The following OR2G6 variants were observed in gnomAD, a reference collection of about 807,000 sequenced individuals.
OR2G6 encodes olfactory receptor 2G6.
For missense variants in OR2G6, 457 were observed against 391.3 expected (o/e 1.17, Z -1.42); for synonymous variants, 183 against 155.2 (o/e 1.18, Z -1.33).
rs559558846 is a variant in OR2G6 at position 248,522,936 on chromosome 1, G to C, written c.*339G>C. On this transcript the variant is annotated 3_prime_UTR_variant, in exon 2 of 2. Transcript: ENST00000641804. ...TTGTCCTTCATCCACCTGCCATCAA[G>C]GTTCATGTATCCATTATTTCCTTCT... is the stretch of plus-strand genomic sequence containing the variant. 4.4e-6 allele frequency: 1 copy of C among 228,392 alleles called. No homozygotes were observed. The highest frequency in any genetic ancestry group is 9.8e-5 in the East Asian group (1 of 10,250). The allele number at this position is 228,392 out of a possible 1,614,324, so 14.1% of individuals were successfully genotyped here. A position where few individuals can be genotyped will look rare whatever the true frequency, so the allele number is the denominator to read the frequency against.
chr1:248,519,349 G>A (rs1480761990), intron 1 of OR2G6, among the ~76,000 whole-genome samples: 1 of 145,238 alleles, frequency 6.9e-6, no homozygotes, highest in Non-Finnish European at 1.5e-5. Flanking sequence ...GATCCCATTT[G>A]TCAACTTTGG....
At chr1:248,520,555 T>C (rs775359206) in intron 1 of OR2G6, among the ~76,000 whole-genome samples, 2 of 152,180 alleles carry the variant, frequency 1.3e-5, no homozygotes, top group East Asian at 1.9e-4. Flanking sequence ...ATCACTTTGA[T>C]AGTAGCTTGT....
At position 248,527,272 on chromosome 1, in the gene OR2G6, G is replaced by C. The variant is rs1183673628; in HGVS notation, c.*4675G>C. ...GAATCCTTTCCCTATTTCTTGTTTT[G>C]TCAGGTTTGTCAAAGATCAGATAGT... On this transcript the variant is annotated 3_prime_UTR_variant, in exon 2 of 2. Transcript: ENST00000641804. 6.6e-6 allele frequency: 1 copy of C among 151,834 alleles called. No homozygotes were observed. The highest frequency in any genetic ancestry group is 1.5e-5 in the Non-Finnish European group (1 of 67,922). 9.4% of individuals were successfully genotyped at this position (151,834 alleles called of 1,614,324 possible). A position where few individuals can be genotyped will look rare whatever the true frequency, so the allele number is the denominator to read the frequency against.
In OR2G6 at chr1:248,522,551, G is replaced by A. The variant is rs754030303; in HGVS notation, c.905G>A (p.Arg302Lys). The change falls in exon 2 of 2, where the codon AGG (arginine) becomes AAG (lysine). Residue 302 changes from arginine to lysine, a missense_variant. By Grantham distance (26) the Arg-to-Lys change is conservative. Coordinates refer to ENST00000641804, the MANE Select transcript of OR2G6 (RefSeq NM_001013355.2). ...LRNKDVKGAL[R>K]TLILGSAAGQ... ...AACAAAGATGTGAAAGGGGCCTTGA[G>A]GACCCTGATACTGGGTAGTGCTGCT... 1.2e-6 allele frequency: 2 copies of A among 1,613,844 alleles called. No homozygotes were observed. Among genetic ancestry groups the A allele is most frequent in the East Asian group, 2.2e-5 (1 of 44,882 alleles).
chr1:248,520,113 T>G (rs1664251140), intron 1 of OR2G6, among the ~76,000 whole-genome samples: 1 of 152,236 alleles, frequency 6.6e-6, no homozygotes, highest in African/African-American at 2.4e-5. Context: ...GATGCATTCA[T>G]GTCCTTTGCA....
Position 248,522,418 on chromosome 1 carries a change from A to T in OR2G6, c.772A>T (p.Met258Leu), listed in dbSNP as rs9330305. The change falls in exon 2 of 2, where the codon ATG becomes TTG. Residue 258 changes from methionine (M) to leucine (L), a missense_variant. Physicochemically the swap from Met to Leu is conservative, Grantham distance 15. Transcript: ENST00000641804. ...VIIFYGTIIF[M>L]YLQPANRRSK... ...CATTTTCTATGGGACCATCATATTC[A>T]TGTACCTTCAACCGGCCAATAGGAG... The T allele has an allele frequency of 0.14, 219,147 of 1,613,816 alleles. 16,014 individuals are homozygous for T. Among genetic ancestry groups the T allele is most frequent in the African/African-American group, 0.27 (19,978 of 74,926 alleles).
rs753939015 is a variant in OR2G6 at position 248,521,802 on chromosome 1, C to T, written c.156C>T (p.Asp52=). The T allele has an allele frequency of 5.0e-6, 8 of 1,613,974 alleles. No individual in the cohort carries two copies. Among genetic ancestry groups the T allele is most frequent in the Non-Finnish European group, 6.8e-6 (8 of 1,179,856 alleles). The stretch of plus-strand genomic sequence containing the variant: ...CCCTCATACTAGTATGTTGTCTGGA[C>T]TCCAGACTCCACACTCCAATGTACT... The part of the protein sequence containing the change: ...NTALILVCCL[D]SRLHTPMYFF... The change falls in exon 2 of 2, where the codon GAC becomes GAT. Residue 52 remains aspartate, a synonymous_variant. Coordinates refer to ENST00000641804, the MANE Select transcript of OR2G6 (RefSeq NM_001013355.2).
rs772867986 is a variant in OR2G6 at position 248,522,332 on chromosome 1, A to AAT, written c.687_688dup (p.Ser230TyrfsTer52). 1 of 1,614,134 alleles carries AAT rather than the reference A, an allele frequency of 6.2e-7. No individual in the cohort carries two copies. Among genetic ancestry groups the AAT allele is most frequent in the Non-Finnish European group, 8.5e-7 (1 of 1,180,030 alleles). On this transcript the variant is annotated frameshift_variant, in exon 2 of 2. Transcript: ENST00000641804. LOFTEE classifies it low-confidence loss of function (END_TRUNC). ...ATCACTCAAGCTGTGTTAAGGATAAAATCAGCTGCGGGCCGCCAAAAGGCC... is the reference window on the plus strand; with the variant it reads ...ATCACTCAAGCTGTGTTAAGGATAAAATATCAGCTGCGGGCCGCCAAAAGGCC...
rs770979849 is a variant in OR2G6 at position 248,523,738 on chromosome 1, C to T, written c.*1141C>T. The T allele has an allele frequency of 4.6e-5, 7 of 152,130 alleles. No homozygotes were observed. In the East Asian group the frequency reaches 1.2e-3, roughly 25 times the overall value. The allele number at this position is 152,130 out of a possible 1,614,324, so 9.4% of individuals were successfully genotyped here. On this transcript the variant is annotated 3_prime_UTR_variant, in exon 2 of 2. Coordinates refer to ENST00000641804, the MANE Select transcript of OR2G6 (RefSeq NM_001013355.2). Reference sequence around the variant, plus strand: ...TCTTTCTTGCTTTCTTTTCCCAAAACGATTGAACTTCATCAATTCGTCAAC... The same window carrying T: ...TCTTTCTTGCTTTCTTTTCCCAAAATGATTGAACTTCATCAATTCGTCAAC...
rs2103061340 is a variant in OR2G6, at chr1:248,521,934, C to T, written c.288C>T (p.Gly96=). 6.2e-7 allele frequency: 1 copy of T among 1,614,166 alleles called. No homozygotes were observed. The highest frequency in any genetic ancestry group is 1.1e-5 in the South Asian group (1 of 91,078). ...NKKDKTMSYG[G]CVAQLYVAMG... ...AAGACAAAACCATGAGCTACGGTGG[C>T]TGTGTGGCCCAGCTCTATGTGGCCA... The change falls in exon 2 of 2, where the codon GGC becomes GGT. Residue 96 remains glycine, a synonymous_variant. Coordinates refer to ENST00000641804, the MANE Select transcript of OR2G6 (RefSeq NM_001013355.2).
rs768316696 is a variant in OR2G6 at position 248,520,873 on chromosome 1, A to AAT, written c.-36-726_-36-725dup. Among the ~76,000 whole-genome samples the AAT allele has an allele frequency of 2.5e-3, 328 of 133,364 alleles. 1 individual carries two copies. The highest frequency in any genetic ancestry group is 7.9e-3 in the East Asian group (40 of 5,056). 87.5% of individuals were successfully genotyped at this position (133,364 alleles called of 152,430 possible). On this transcript the variant is annotated intron_variant, in intron 1 of 1. Transcript: ENST00000641804. Reference sequence around the variant, plus strand: ...AAAAAAAAATATATATATATATAAAAATATATATATATACACACAAAAATT... The same window carrying AAT: ...AAAAAAAAATATATATATATATAAAAATATATATATATATACACACAAAAATT...
In OR2G6 at chr1:248,520,296, A is replaced by AG. The variant is rs145083869; in HGVS notation, c.-36-1312dup. On this transcript the variant is annotated intron_variant, in intron 1 of 1. Transcript: ENST00000641804. ...TTGGTGGGTTGGGGGGCTAGGAAGG[A>AG]GGGATAGCATTAGGAGAAATACCTA... Among the ~76,000 whole-genome samples, 261 of 152,222 alleles carry AG rather than the reference A, an allele frequency of 1.7e-3. 1 individual carries two copies. Among genetic ancestry groups the AG allele is most frequent in the African/African-American group, 6.0e-3 (249 of 41,534 alleles).
chr1:248,522,340 G>A lies in OR2G6; in HGVS notation c.694G>A (p.Ala232Thr). ...TQAVLRIKSA[A>T]GRQKAFGTCS... is the part of the protein sequence containing the mutation. ...AGCTGTGTTAAGGATAAAATCAGCTGCGGGCCGCCAAAAGGCCTTTGGGAC... is the reference window on the plus strand; with the variant it reads ...AGCTGTGTTAAGGATAAAATCAGCTACGGGCCGCCAAAAGGCCTTTGGGAC... The change falls in exon 2 of 2, where the codon GCG (alanine) becomes ACG (threonine). Residue 232 changes from alanine to threonine, a missense_variant. Coordinates refer to ENST00000641804, the MANE Select transcript of OR2G6 (RefSeq NM_001013355.2). The A allele has an allele frequency of 6.2e-7, 1 of 1,614,194 alleles. No individual in the cohort carries two copies.
chr1:248,520,967 G>A (rs867031168), intron 1 of OR2G6, among the ~76,000 whole-genome samples: 6 of 147,712 alleles, frequency 4.1e-5, no homozygotes, highest in African/African-American at 7.4e-5. Flanking sequence ...TTGCTTGAAC[G>A]TGGGAGGTGG....
chr1:248,521,327 C>T (rs937808749), intron 1 of OR2G6, among the ~76,000 whole-genome samples: 8 of 152,056 alleles, frequency 5.3e-5, no homozygotes, highest in Middle Eastern at 3.4e-3. Context: ...ATAAATATAT[C>T]GGTGTAAAAA....
rs1420965605 is a variant in OR2G6 at position 248,526,199 on chromosome 1, A to G, written c.*3602A>G. 6.6e-6 allele frequency: 1 copy of G among 152,164 alleles called. No individual in the cohort carries two copies. The highest frequency in any genetic ancestry group is 6.5e-5 in the Admixed American group (1 of 15,274). The allele number at this position is 152,164 out of a possible 1,614,324, so 9.4% of individuals were successfully genotyped here. ...AAAGCTGGAGCCATCACATTACTAG[A>G]CTTCAAAATATACTACCAAGTTATA... On this transcript the variant is annotated 3_prime_UTR_variant, in exon 2 of 2. Transcript: ENST00000641804.
In OR2G6 at chr1:248,522,154, GGTCATC is replaced by G; in HGVS notation, c.510_515del (p.His171_Arg172del). The G allele has an allele frequency of 6.2e-7, 1 of 1,614,106 alleles. No individual in the cohort carries two copies. Among genetic ancestry groups the G allele is most frequent in the Non-Finnish European group, 8.5e-7 (1 of 1,180,026 alleles). ...CCTCACTGTGCAGCTGCCCCTCTGT[GGTCATC>G]GCACACTGGATCATATTTTCTGTGA... On this transcript the variant is annotated inframe_deletion, in exon 2 of 2. Coordinates refer to ENST00000641804, the MANE Select transcript of OR2G6 (RefSeq NM_001013355.2).
intron 1 of OR2G6, among the ~76,000 whole-genome samples, chr1:248,520,532 G>C (rs1007251838): frequency 4.6e-5 from 7 of 152,060 alleles, no homozygotes; most frequent in Admixed American, 2.0e-4. Context: ...ATTTTGACTT[G>C]GCATTTGACA....
rs1664327603 is a variant in OR2G6, at chr1:248,523,218, G to C, written c.*621G>C. The stretch of plus-strand genomic sequence containing the variant: ...GAAAAAATACATGACCATTTTCCCA[G>C]AATATGTCACTTTTAACTGGAGAAT... On this transcript the variant is annotated 3_prime_UTR_variant, in exon 2 of 2. Coordinates refer to ENST00000641804, the MANE Select transcript of OR2G6 (RefSeq NM_001013355.2). 1 of 152,104 alleles carries C rather than the reference G, an allele frequency of 6.6e-6. No individual in the cohort carries two copies. The allele number at this position is 152,104 out of a possible 1,614,324, so 9.4% of individuals were successfully genotyped here.
Sources: allele counts gnomAD v4.1 joint callset (sites outside exome capture counted in the v4.1 genomes callset), GRCh38; gene constraint gnomAD v4.1.1; transcripts MANE v1.5; gene names NCBI Gene and HGNC (gene_info 2026-07-23, HGNC 2026-07-21).